Variants in STARD13 observed in about 807,000 individuals in gnomAD.
STARD13 encodes stAR-related lipid transfer protein 13.
In STARD13, 62 loss-of-function variants were observed where a neutral mutation model predicts 106.4. The observed-to-expected ratio is 0.58, with a 90% confidence interval of 0.48 to 0.72. The LOEUF is 0.72. Among genes scored for constraint, STARD13 ranks in the 30% least tolerant of loss-of-function variants. STARD13 has a pLI of 0.00. For missense variants in STARD13, 1,387 were observed against 1,424.0 expected, an observed-to-expected ratio of 0.97 and a Z score of 0.42; for synonymous variants, 565 against 553.0, an observed-to-expected ratio of 1.02 and a Z score of -0.31.
intron 1 of STARD13, among the ~76,000 whole-genome samples, chr13:33,187,977 G>A (rs576454017): frequency 3.9e-5 from 6 of 152,088 alleles, no homozygotes; most frequent in Non-Finnish European, 7.4e-5. Flanking sequence ...GAGCCACTGC[G>A]CCCAACCTAA....
chr13:33,253,590 T>C (rs1890192899), intron 1 of STARD13, among the ~76,000 whole-genome samples: 1 of 152,160 alleles, frequency 6.6e-6, no homozygotes, highest in African/African-American at 2.4e-5. Flanking sequence ...GGGACCTCCT[T>C]GTGAAGGCCG....
chr13:33,113,075 A>G, intron 8 of STARD13, 144 bp from the exon 9 acceptor site: 3 of 600,098 alleles, frequency 5.0e-6, no homozygotes, highest in Non-Finnish European at 5.7e-6. Context: ...CAGGAAAGGC[A>G]CAAAGAAGTC....
chr13:33,276,464 G>A (rs77918932), intron 1 of STARD13, among the ~76,000 whole-genome samples: 4,170 of 152,226 alleles, frequency 0.027, 92 homozygotes, highest in Non-Finnish European at 0.041. Flanking sequence ...TTTGTGAATC[G>A]TTCTTATTTC....
intron 1 of STARD13, among the ~76,000 whole-genome samples, chr13:33,229,230 G>A (rs954293084): frequency 6.6e-6 from 1 of 151,860 alleles, no homozygotes; most frequent in African/African-American, 2.4e-5. Context: ...CAGATGGGCT[G>A]AAAAGGGACT....
the STARD13 span, among the ~76,000 whole-genome samples, chr13:33,505,503 A>C: frequency 1.3e-5 from 2 of 152,284 alleles, no homozygotes; most frequent in Admixed American, 1.3e-4. Flanking sequence ...ATAAAATATA[A>C]TACCAAAACA....
chr13:33,117,689 C>T (rs1027325948), intron 8 of STARD13: 1 of 927,228 alleles, frequency 1.1e-6, no homozygotes, highest in Non-Finnish European at 1.3e-6. Context: ...TCCTATATCC[C>T]AAAGAAATGC....
intron 1 of STARD13, among the ~76,000 whole-genome samples, chr13:33,241,539 C>G (rs1889495143): frequency 6.7e-6 from 1 of 148,662 alleles, no homozygotes; most frequent in Admixed American, 6.7e-5. Context: ...AAGTATGCCC[C>G]TCCCCCTCCC....
chr13:33,167,774 G>T, intron 1 of STARD13, 152 bp from the exon 2 acceptor site: 1 of 700,988 alleles, frequency 1.4e-6, no homozygotes, highest in East Asian at 2.7e-5. Flanking sequence ...TTACCCGGGA[G>T]TGGGTGGAAA....
At chr13:33,513,783 T>G in the STARD13 span, among the ~76,000 whole-genome samples, 1 of 152,194 alleles carries the variant, frequency 6.6e-6, no homozygotes, top group Non-Finnish European at 1.5e-5. Context: ...GAGCAGATTT[T>G]TGTTCAACTT....
intron 3 of STARD13, among the ~76,000 whole-genome samples, chr13:33,156,291 G>A (rs548756692): frequency 6.6e-6 from 1 of 152,138 alleles, no homozygotes; most frequent in Admixed American, 6.5e-5. Flanking sequence ...TGTTGGGCAC[G>A]GCTCCTTCTT....
chr13:33,507,933 T>C, the STARD13 span, among the ~76,000 whole-genome samples: 1 of 152,156 alleles, frequency 6.6e-6, no homozygotes, highest in Non-Finnish European at 1.5e-5. Flanking sequence ...GGAGGGTTGG[T>C]CTTGCCGTCT....
chr13:33,214,142 C>T (rs1887887997), intron 1 of STARD13, among the ~76,000 whole-genome samples: 1 of 152,210 alleles, frequency 6.6e-6, no homozygotes, highest in Non-Finnish European at 1.5e-5. Flanking sequence ...TTAAAGTTCA[C>T]TTTGAAATTT....
intron 1 of STARD13, among the ~76,000 whole-genome samples, chr13:33,178,123 A>C (rs1027356817): frequency 3.9e-5 from 6 of 152,148 alleles, no homozygotes; most frequent in African/African-American, 1.4e-4. Context: ...TTGTTCTTTT[A>C]TTATGAAGAT....
the STARD13 span, among the ~76,000 whole-genome samples, chr13:33,456,834 T>G: frequency 6.6e-6 from 1 of 152,190 alleles, no homozygotes; most frequent in South Asian, 2.1e-4. Context: ...CTTCCCAGCC[T>G]CCAGAATTGT....
chr13:33,575,550 G>T, the STARD13 span, among the ~76,000 whole-genome samples: 1 of 152,290 alleles, frequency 6.6e-6, no homozygotes, highest in South Asian at 2.1e-4. Context: ...AGGTTGTATG[G>T]TCAGATCCCC....
intron 1 of STARD13, among the ~76,000 whole-genome samples, chr13:33,265,983 G>A (rs1890878842): frequency 6.6e-6 from 1 of 152,138 alleles, no homozygotes; most frequent in African/African-American, 2.4e-5. Flanking sequence ...GAAAAGTTAT[G>A]GAGCTATCTC....
At chr13:33,384,598 A>G in the STARD13 span, among the ~76,000 whole-genome samples, 2 of 152,252 alleles carry the variant, frequency 1.3e-5, no homozygotes, top group Non-Finnish European at 1.5e-5. Flanking sequence ...GAATTAGCAT[A>G]AAAATAGAAT....
In STARD13 at chr13:33,319,040, C is replaced by G. The variant is rs1206610565; in HGVS notation, c.124+31250G>C. On this transcript the variant is annotated intron_variant, in intron 1 of 5. Transcript: ENST00000567873. ...AGTTACCAATGACCAAGCAATTCCA[C>G]TCATAGATCTACACCCAAGAAAATT... Among the ~76,000 whole-genome samples, 33 of 146,138 alleles carry G rather than the reference C, an allele frequency of 2.3e-4. No individual in the cohort carries two copies. The Admixed American group carries it at 2.3e-3, about 10-fold the overall frequency.
chr13:33,376,129 A>G, the STARD13 span, among the ~76,000 whole-genome samples: 4 of 152,166 alleles, frequency 2.6e-5, no homozygotes, highest in Admixed American at 2.0e-4. Context: ...TACTTAATGT[A>G]AGCTTAATGT....
Sources: gnomAD v4.1 joint callset for allele counts (sites outside exome capture counted in the v4.1 genomes callset) on GRCh38, gnomAD v4.1.1 for gene constraint, MANE v1.5 for transcripts, NCBI Gene and HGNC (gene_info 2026-07-23, HGNC 2026-07-21) for gene names.